The following GPR176 variants were observed in gnomAD, a reference collection of about 807,000 sequenced individuals.
The protein encoded by GPR176 is G protein-coupled receptor 176.
A neutral mutation model predicts 35.4 loss-of-function variants in GPR176; 26 were observed. The ratio of observed to expected loss-of-function variants is 0.74; its 90% confidence interval spans 0.54 to 1.02. The LOEUF is 1.02. GPR176 is among the 50% of genes least tolerant of loss of function. The pLI is 0.00. For missense variants in GPR176, 597 were observed against 665.3 expected, an observed-to-expected ratio of 0.90 and a Z score of 1.13; for synonymous variants, 278 against 271.3, an observed-to-expected ratio of 1.02 and a Z score of -0.24.
At chr15:39,868,930 A>C (rs990925173) in intron 1 of GPR176, among the ~76,000 whole-genome samples, 1 of 152,014 alleles carries the variant, frequency 6.6e-6, no homozygotes, top group African/African-American at 2.4e-5. Flanking sequence ...GTCACCGGAA[A>C]TGGGAAATGG....
chr15:39,854,405 T>C (rs926783813), intron 1 of GPR176, among the ~76,000 whole-genome samples: 2 of 152,114 alleles, frequency 1.3e-5, no homozygotes, highest in Admixed American at 1.3e-4. Context: ...GAGTGGAAAT[T>C]TCCTTGAACC....
At chr15:39,858,265 A>C (rs1168428901) in intron 1 of GPR176, among the ~76,000 whole-genome samples, 4 of 152,204 alleles carry the variant, frequency 2.6e-5, no homozygotes, top group Non-Finnish European at 5.9e-5. Flanking sequence ...AATAAAATCC[A>C]ATATTGCACC....
intron 2 of GPR176, among the ~76,000 whole-genome samples, chr15:39,804,554 C>T (rs1327366917): frequency 3.3e-5 from 5 of 151,802 alleles, no homozygotes; most frequent in Non-Finnish European, 7.4e-5. Context: ...GGGATTATTG[C>T]ATTGCTTCCA....
chr15:39,802,575 A>G (rs901992008), intron 2 of GPR176, among the ~76,000 whole-genome samples: 1 of 152,240 alleles, frequency 6.6e-6, no homozygotes, highest in Non-Finnish European at 1.5e-5. Context: ...ATGAAATCGC[A>G]AACAGTACCC....
chr15:39,825,289 C>T (rs1900562108), intron 1 of GPR176, among the ~76,000 whole-genome samples: 1 of 152,088 alleles, frequency 6.6e-6, no homozygotes, highest in African/African-American at 2.4e-5. Context: ...GGTAAATATT[C>T]TGGTCTTCAC....
intron 1 of GPR176, among the ~76,000 whole-genome samples, chr15:39,917,629 C>G (rs1337274813): frequency 6.6e-6 from 1 of 152,018 alleles, no homozygotes; most frequent in Non-Finnish European, 1.5e-5. Flanking sequence ...AGCCACCACG[C>G]CAAGCCCAGC....
At chr15:39,851,326 A>C (rs1414469103) in intron 1 of GPR176, among the ~76,000 whole-genome samples, 4 of 152,216 alleles carry the variant, frequency 2.6e-5, no homozygotes, top group Non-Finnish European at 4.4e-5. Flanking sequence ...AAGTCCAAAA[A>C]CAAGAAAGTA....
intron 1 of GPR176, chr15:39,829,090 T>C (rs1469776602): frequency 8.5e-7 from 1 of 1,177,002 alleles, no homozygotes; most frequent in Non-Finnish European, 1.2e-6. Flanking sequence ...CCCAAAGTTC[T>C]AGAAATAAGA....
At chr15:39,914,514 C>T (rs2033672887) in intron 1 of GPR176, among the ~76,000 whole-genome samples, 2 of 152,038 alleles carry the variant, frequency 1.3e-5, no homozygotes, top group African/African-American at 2.4e-5. Context: ...AGGGTTTCAC[C>T]ATGTTGGCCA....
intron 1 of GPR176, among the ~76,000 whole-genome samples, chr15:39,917,659 G>A (rs2033762285): frequency 6.6e-6 from 1 of 151,854 alleles, no homozygotes; most frequent in Non-Finnish European, 1.5e-5. Context: ...AAGGAAACCA[G>A]ACATACTGTC....
chr15:39,868,642 A>G (rs929299867), intron 1 of GPR176, among the ~76,000 whole-genome samples: 1 of 152,010 alleles, frequency 6.6e-6, no homozygotes, highest in East Asian at 1.9e-4. Flanking sequence ...TTTTTATTGG[A>G]CTTTTAGGAA....
intron 1 of GPR176, among the ~76,000 whole-genome samples, chr15:39,891,351 A>T (rs1370967970): frequency 6.6e-6 from 1 of 152,120 alleles, no homozygotes; most frequent in East Asian, 1.9e-4. Context: ...ACTGCTCATG[A>T]TATTTTCGGG....
intron 1 of GPR176, among the ~76,000 whole-genome samples, chr15:39,883,611 G>A (rs760440982): frequency 2.0e-5 from 3 of 151,550 alleles, no homozygotes; most frequent in Admixed American, 6.6e-5. Flanking sequence ...TGGTCTACTC[G>A]TACATAAAGC....
intron 1 of GPR176, among the ~76,000 whole-genome samples, chr15:39,867,888 T>C (rs764678718): frequency 1.3e-5 from 2 of 152,032 alleles, no homozygotes; most frequent in Non-Finnish European, 2.9e-5. Flanking sequence ...CTCAAGTATT[T>C]TGGAATAGGA....
intron 1 of GPR176, among the ~76,000 whole-genome samples, chr15:39,911,605 A>T (rs1185509993): frequency 6.6e-6 from 1 of 152,236 alleles, no homozygotes. Context: ...AGTTTTCAGT[A>T]AGAGAAGCCA....
In GPR176 at chr15:39,914,206, A is replaced by G. The variant is rs143814304; in HGVS notation, c.172+5649T>C. Among the ~76,000 whole-genome samples the G allele has an allele frequency of 4.4e-4, 67 of 152,298 alleles. 2 individuals carry two copies. In the East Asian group the frequency reaches 0.012, roughly 26 times the overall value. On this transcript the variant is annotated intron_variant, in intron 1 of 2. Coordinates refer to ENST00000561100, the MANE Select transcript of GPR176 (RefSeq NM_007223.3). ...ATTCTATCATATAGACATCATATAG[A>G]AATAAAAGACAATGTGAGGCAATTT...
At chr15:39,837,983 C>T (rs563917685) in intron 1 of GPR176, among the ~76,000 whole-genome samples, 2 of 128,464 alleles carry the variant, frequency 1.6e-5, no homozygotes, top group South Asian at 5.1e-4. Flanking sequence ...AACACCCCAA[C>T]TCCATTAATT....
intron 2 of GPR176, among the ~76,000 whole-genome samples, chr15:39,804,368 C>T (rs1221370416): frequency 6.6e-6 from 1 of 152,202 alleles, no homozygotes; most frequent in Non-Finnish European, 1.5e-5. Flanking sequence ...AAGTAATTTG[C>T]ATCTGTGAAT....
chr15:39,859,498 A>G (rs992670621), intron 1 of GPR176, among the ~76,000 whole-genome samples: 1 of 151,574 alleles, frequency 6.6e-6, no homozygotes, highest in Non-Finnish European at 1.5e-5. Flanking sequence ...TGTGAAAAAA[A>G]AAAAAACAAA....
Sources: allele counts gnomAD v4.1 joint callset (sites outside exome capture counted in the v4.1 genomes callset), GRCh38; gene constraint gnomAD v4.1.1; transcripts MANE v1.5; gene names NCBI Gene and HGNC (gene_info 2026-07-23, HGNC 2026-07-21).